DLGAP1: variants seen among roughly 807,000 people sequenced by gnomAD.
DLGAP1 encodes disks large-associated protein 1.
A neutral mutation model predicts 90.8 loss-of-function variants in DLGAP1; 11 were observed. The observed-to-expected ratio is 0.12, with a 90% CI of 0.08 to 0.20. The LOEUF (loss-of-function observed/expected upper bound fraction) is 0.20. Ranked by LOEUF, DLGAP1 falls within the 10% of genes least tolerant of loss-of-function variation. The pLI, the probability that DLGAP1 is intolerant of heterozygous loss-of-function variation, is 1.00. For missense variants in DLGAP1, 1,050 were observed against 1,333.8 expected (o/e 0.79, Z 3.31); for synonymous variants, 558 against 540.7 (o/e 1.03, Z -0.44).
At chr18:4,433,195 T>C (rs1176622014) in intron 1 of DLGAP1, among the ~76,000 whole-genome samples, 1 of 152,196 alleles carries the variant, frequency 6.6e-6, no homozygotes, top group African/African-American at 2.4e-5. Context: ...GGCCTCACAT[T>C]AAGGAGTTAG....
chr18:4,027,335 A>C (rs998006206), intron 2 of DLGAP1, among the ~76,000 whole-genome samples: 3 of 151,450 alleles, frequency 2.0e-5, no homozygotes, highest in African/African-American at 7.3e-5. Flanking sequence ...GCAAAACCCC[A>C]CCTCTACTAA....
intron 4 of DLGAP1, among the ~76,000 whole-genome samples, chr18:3,872,343 A>G (rs1198234661): frequency 6.6e-6 from 1 of 152,082 alleles, no homozygotes; most frequent in Non-Finnish European, 1.5e-5. Flanking sequence ...AACAGTAATT[A>G]ATTGATTCTT....
chr18:3,577,184 TGCACCA>T (rs372218731), intron 8 of DLGAP1, among the ~76,000 whole-genome samples: 84 of 152,092 alleles, frequency 5.5e-4, no homozygotes, highest in African/African-American at 1.7e-3. Flanking sequence ...CAACAGCCCA[TGCACCA>T]GCTGCTCTGC....
chr18:4,127,598 G>A (rs1412718947), intron 2 of DLGAP1, among the ~76,000 whole-genome samples: 1 of 152,104 alleles, frequency 6.6e-6, no homozygotes, highest in Admixed American at 6.5e-5. Flanking sequence ...ACTTGATAAT[G>A]ATTTTTCAAA....
At chr18:3,932,030 G>C (rs1037462577) in intron 3 of DLGAP1, among the ~76,000 whole-genome samples, 9 of 152,112 alleles carry the variant, frequency 5.9e-5, no homozygotes, top group African/African-American at 2.2e-4. Flanking sequence ...CCCATAATGA[G>C]GGCTGCTGTG....
chr18:4,231,828 T>C (rs1244255356), intron 1 of DLGAP1, among the ~76,000 whole-genome samples: 4 of 152,164 alleles, frequency 2.6e-5, no homozygotes, highest in East Asian at 1.9e-4. Flanking sequence ...AGAATATTCA[T>C]AGAGAAGAAA....
intron 2 of DLGAP1, among the ~76,000 whole-genome samples, chr18:4,150,824 A>C (rs2076663211): frequency 6.6e-6 from 1 of 152,248 alleles, no homozygotes; most frequent in African/African-American, 2.4e-5. Flanking sequence ...AAAAGCTAAC[A>C]CTATGCCATT....
intron 9 of DLGAP1, among the ~76,000 whole-genome samples, chr18:3,560,124 A>C (rs879105665): frequency 1.3e-5 from 2 of 152,076 alleles, no homozygotes; most frequent in Non-Finnish European, 2.9e-5. Flanking sequence ...AGATCAGTTA[A>C]GAATGAGAAA....
intron 7 of DLGAP1, among the ~76,000 whole-genome samples, chr18:3,704,515 A>G (rs1392167375): frequency 6.6e-6 from 1 of 152,048 alleles, no homozygotes; most frequent in Non-Finnish European, 1.5e-5. Flanking sequence ...GGTTGCAGTG[A>G]GCCGAGACTG....
chr18:3,838,006 T>C (rs1401902070), intron 4 of DLGAP1, among the ~76,000 whole-genome samples: 1 of 148,976 alleles, frequency 6.7e-6, no homozygotes, highest in Non-Finnish European at 1.5e-5. Context: ...GTCTTAGTAA[T>C]TAAAAAAAAT....
intron 4 of DLGAP1, among the ~76,000 whole-genome samples, chr18:3,856,917 A>G (rs1052704025): frequency 6.6e-6 from 1 of 152,120 alleles, no homozygotes; most frequent in African/African-American, 2.4e-5. Flanking sequence ...ACATCCATAG[A>G]GGACTTCAGT....
chr18:3,527,443 C>G (rs1369842699), intron 10 of DLGAP1, among the ~76,000 whole-genome samples: 1 of 90,814 alleles, frequency 1.1e-5, no homozygotes, highest in African/African-American at 4.1e-5. Context: ...GCCATGGATG[C>G]ACTGTATTTT....
intron 2 of DLGAP1, among the ~76,000 whole-genome samples, chr18:4,133,476 A>G (rs2076350546): frequency 6.6e-6 from 1 of 152,114 alleles, no homozygotes; most frequent in Non-Finnish European, 1.5e-5. Flanking sequence ...ATCTTTTACA[A>G]CCCTGATCCT....
At chr18:3,877,143 A>G (rs535646902) in intron 4 of DLGAP1, among the ~76,000 whole-genome samples, 1 of 152,326 alleles carries the variant, frequency 6.6e-6, no homozygotes, top group East Asian at 1.9e-4. Context: ...TGGGATTATC[A>G]CAAAGATTAA....
chr18:3,837,473 T>A (rs773376449), intron 4 of DLGAP1, among the ~76,000 whole-genome samples: 24 of 152,190 alleles, frequency 1.6e-4, no homozygotes, highest in Admixed American at 2.6e-4. Context: ...TAAACAAAAC[T>A]TGAAACAATA....
At chr18:3,625,923 C>T (rs1398026116) in intron 7 of DLGAP1, among the ~76,000 whole-genome samples, 1 of 152,174 alleles carries the variant, frequency 6.6e-6, no homozygotes, top group Non-Finnish European at 1.5e-5. Flanking sequence ...TCATGCATGC[C>T]TACATTTATT....
At chr18:3,904,077 T>C (rs1317821661) in intron 3 of DLGAP1, among the ~76,000 whole-genome samples, 1 of 152,226 alleles carries the variant, frequency 6.6e-6, no homozygotes, top group Non-Finnish European at 1.5e-5. Context: ...AGTGAGAATT[T>C]CCTTCTGTTC....
chr18:3,773,935 G>T (rs1299501592), intron 5 of DLGAP1, among the ~76,000 whole-genome samples: 1 of 152,170 alleles, frequency 6.6e-6, no homozygotes, highest in Non-Finnish European at 1.5e-5. Flanking sequence ...CTGTGATTGG[G>T]AATCCAAGCT....
chr18:3,886,313 A>G (rs1021508216), intron 3 of DLGAP1, among the ~76,000 whole-genome samples: 1 of 152,138 alleles, frequency 6.6e-6, no homozygotes, highest in South Asian at 2.1e-4. Context: ...TCATGTATAT[A>G]TTTCTGGGGT....
Sources: gnomAD v4.1 joint callset for allele counts (sites outside exome capture counted in the v4.1 genomes callset) on GRCh38, gnomAD v4.1.1 for gene constraint, MANE v1.5 for transcripts, NCBI Gene and HGNC (gene_info 2026-07-23, HGNC 2026-07-21) for gene names.